PLB1: variants seen among roughly 807,000 people sequenced by gnomAD.
PLB1 encodes the protein phospholipase B1, membrane-associated.
A neutral mutation model predicts 227.4 loss-of-function variants in PLB1; 242 were observed. That is an observed-to-expected ratio of 1.06 (90% CI 0.96 to 1.18). The LOEUF is 1.18. Ranked by LOEUF, PLB1 falls within the 50% of genes most tolerant of loss-of-function variation. The probability of loss-of-function intolerance (pLI) is 0.00; values close to 1 mark genes in which losing one functional copy is unlikely to be tolerated. For missense variants in PLB1, 1,858 were observed against 1,816.3 expected (o/e 1.02, Z -0.42); for synonymous variants, 757 against 682.2 (o/e 1.11, Z -1.71).
At chr2:28,606,465 C>T in intron 42 of PLB1, 31 bp from the exon 43 acceptor site, 2 of 1,597,274 alleles carry the variant, frequency 1.3e-6, no homozygotes, top group Middle Eastern at 1.7e-4. Context: ...CAAACTACTA[C>T]ACCCGTGTCT....
At chr2:28,557,128 A>T (rs907274756) in intron 17 of PLB1, among the ~76,000 whole-genome samples, 1 of 152,144 alleles carries the variant, frequency 6.6e-6, no homozygotes, top group Non-Finnish European at 1.5e-5. Context: ...TTGTCCCTGG[A>T]CACAACCAGG....
intron 1 of PLB1, among the ~76,000 whole-genome samples, chr2:28,504,623 G>C (rs1052998060): frequency 8.6e-5 from 13 of 152,036 alleles, no homozygotes; most frequent in Admixed American, 3.3e-4. Flanking sequence ...TGTGCCTGTA[G>C]TCCCGATACT....
chr2:28,620,031 G>T (rs1173777720), intron 46 of PLB1, among the ~76,000 whole-genome samples: 2 of 152,134 alleles, frequency 1.3e-5, no homozygotes, highest in Admixed American at 1.3e-4. Flanking sequence ...AGGGGCGGGT[G>T]CTAGGGAGAG....
In PLB1 at chr2:28,532,142, A is replaced by G. The variant is rs959899931; in HGVS notation, c.503A>G (p.Asn168Ser). 11 of 1,612,742 alleles carry G rather than the reference A, an allele frequency of 6.8e-6. No individual in the cohort carries two copies. The highest frequency in any genetic ancestry group is 4.5e-5 in the East Asian group (2 of 44,768). Reference sequence around the variant, plus strand: ...TTTCAATTTGACTGGAAGCTCATCAATGTGTTCTTCAGTAATGCAAGCCAG... The same window carrying G: ...TTTCAATTTGACTGGAAGCTCATCAGTGTGTTCTTCAGTAATGCAAGCCAG... ...LDFQFDWKLI[N>S]VFFSNASQCY... Residue 168 changes from asparagine (N) to serine (S), a missense_variant, in exon 9 of 58, where the codon AAT (asparagine) becomes AGT (serine). Physicochemically the swap from Asn to Ser is conservative, Grantham distance 46 (BLOSUM62 1). Coordinates refer to ENST00000327757, the MANE Select transcript of PLB1 (RefSeq NM_153021.5).
intron 56 of PLB1, among the ~76,000 whole-genome samples, chr2:28,640,106 G>A (rs1689803032): frequency 1.3e-5 from 2 of 152,230 alleles, no homozygotes; most frequent in South Asian, 4.1e-4. Flanking sequence ...GTGGTCATGA[G>A]CTCAGATAGT....
intron 41 of PLB1, 53 bp downstream of exon 41, chr2:28,604,812 C>T: frequency 6.7e-7 from 1 of 1,492,814 alleles, no homozygotes; most frequent in Non-Finnish European, 9.3e-7. Context: ...AAATGCAAGG[C>T]AGAATTGCCA....
intron 12 of PLB1, 65 bp downstream of exon 12, chr2:28,540,506 G>A (rs923537644): frequency 3.0e-6 from 4 of 1,332,380 alleles, no homozygotes; most frequent in Non-Finnish European, 4.3e-6. Flanking sequence ...AAGGAGAACA[G>A]GAGTGATAGG....
chr2:28,551,608 T>C (rs1674271378), intron 16 of PLB1, among the ~76,000 whole-genome samples: 1 of 152,220 alleles, frequency 6.6e-6, no homozygotes, highest in South Asian at 2.1e-4. Flanking sequence ...AGACGCAGCA[T>C]GGCACAGTGA....
intron 1 of PLB1, among the ~76,000 whole-genome samples, chr2:28,511,788 C>CTT (rs59137589): frequency 2.3e-5 from 3 of 132,644 alleles, no homozygotes; most frequent in African/African-American, 8.5e-5. Flanking sequence ...GCCATTTTAT[C>CTT]TTTTTTTTTT....
In PLB1 at chr2:28,540,392, C is replaced by CT. The variant is rs751132197; in HGVS notation, c.725_726insT (p.Glu243ArgfsTer30). 6.2e-7 allele frequency: 1 copy of CT among 1,614,110 alleles called. No homozygotes were observed. Among genetic ancestry groups the CT allele is most frequent in the South Asian group, 1.1e-5 (1 of 91,084 alleles). On this transcript the variant is annotated frameshift_variant, in exon 12 of 58. Coordinates refer to ENST00000327757, the MANE Select transcript of PLB1 (RefSeq NM_153021.5). LOFTEE classifies it high-confidence loss of function. ...CCTGCACCAGAGCCCTGTAATTGCTCAGAGGAGACCACCCGGCTGGCCAAG... is the reference window on the plus strand; with the variant it reads ...CCTGCACCAGAGCCCTGTAATTGCTCTAGAGGAGACCACCCGGCTGGCCAAG...
rs773949493 is a variant in PLB1, at chr2:28,605,309, C to T, written c.2962-544C>T. Among the ~76,000 whole-genome samples, 8 of 152,248 alleles carry T rather than the reference C, an allele frequency of 5.3e-5. No individual in the cohort carries two copies. In the South Asian group the frequency reaches 1.7e-3, roughly 32 times the overall value. ...ACCAGGTGAGGACTGAGGTCTGTCC[C>T]CCTGGGCTGCCATCCCAAGAGCCTC... On this transcript the variant is annotated intron_variant, in intron 41 of 57. Coordinates refer to ENST00000327757, the MANE Select transcript of PLB1 (RefSeq NM_153021.5).
At chr2:28,581,498 TA>T (rs1474182004) in intron 23 of PLB1, among the ~76,000 whole-genome samples, 1 of 71,066 alleles carries the variant, frequency 1.4e-5, no homozygotes, top group Non-Finnish European at 2.8e-5. Context: ...AATAAATAAA[TA>T]AATAAATAAA....
chr2:28,543,598 C>G (rs1044005414), intron 14 of PLB1, among the ~76,000 whole-genome samples: 2 of 152,222 alleles, frequency 1.3e-5, no homozygotes, highest in Admixed American at 6.5e-5. Context: ...GCTCCCCTCA[C>G]CATTCCTGTC....
rs1686523868 is a variant in PLB1, at chr2:28,618,517, C to T, written c.3315+118C>T. ...AGTGCTGAGCCCGTGTTACTGAGGG[C>T]CTACCCATGTCAGGCACTGAAACAC... is the stretch of plus-strand genomic sequence containing the variant. On this transcript the variant is annotated intron_variant, in intron 46 of 57. Coordinates refer to ENST00000327757, the MANE Select transcript of PLB1 (RefSeq NM_153021.5). The T allele has an allele frequency of 8.6e-6, 9 of 1,045,372 alleles. No individual in the cohort carries two copies. The South Asian group carries it at 1.2e-4, about 14-fold the overall frequency. 64.8% of individuals were successfully genotyped at this position (1,045,372 alleles called of 1,614,324 possible).
chr2:28,527,028 C>T (rs770439707), intron 6 of PLB1, among the ~76,000 whole-genome samples: 9 of 152,114 alleles, frequency 5.9e-5, no homozygotes, highest in South Asian at 2.1e-4. Context: ...TTACCAACTC[C>T]GTGGCTATCA....
At chr2:28,554,611 A>C (rs1490261754) in intron 17 of PLB1, among the ~76,000 whole-genome samples, 3 of 150,446 alleles carry the variant, frequency 2.0e-5, no homozygotes, top group Non-Finnish European at 2.9e-5. Flanking sequence ...AAACCAGCTC[A>C]CCTGGTCTAG....
At chr2:28,613,710 G>C (rs1685799843) in intron 43 of PLB1, among the ~76,000 whole-genome samples, 1 of 152,142 alleles carries the variant, frequency 6.6e-6, no homozygotes, top group Non-Finnish European at 1.5e-5. Context: ...TCCCTTGCTA[G>C]AGAAATTACA....
At chr2:28,631,160 AAAAAAAG>A (rs1300177544) in intron 54 of PLB1, among the ~76,000 whole-genome samples, 4 of 131,330 alleles carry the variant, frequency 3.0e-5, no homozygotes, top group Admixed American at 1.4e-4. Context: ...CTCAAAAAAA[AAAAAAAG>A]AAAAAAAGAA....
At chr2:28,522,235 A>G (rs1401253296) in intron 4 of PLB1, among the ~76,000 whole-genome samples, 1 of 152,034 alleles carries the variant, frequency 6.6e-6, no homozygotes, top group African/African-American at 2.4e-5. Flanking sequence ...GGAAATGGGT[A>G]TAACAGAAAG....
Sources: allele counts gnomAD v4.1 joint callset (sites outside exome capture counted in the v4.1 genomes callset), GRCh38; gene constraint gnomAD v4.1.1; transcripts MANE v1.5; gene names NCBI Gene and HGNC (gene_info 2026-07-23, HGNC 2026-07-21).